The following PCDH9 variants were observed in gnomAD, a reference collection of about 807,000 sequenced individuals.
The protein encoded by PCDH9 is protocadherin-9.
A neutral mutation model predicts 70.6 loss-of-function variants in PCDH9; 24 were observed. The ratio of observed to expected loss-of-function variants is 0.34; its 90% CI spans 0.25 to 0.48. The LOEUF (loss-of-function observed/expected upper bound fraction) is 0.48, where lower values mean the gene tolerates loss of function less well. PCDH9 is among the 20% of genes least tolerant of loss of function. The pLI is 0.99. For synonymous variants in PCDH9, 562 were observed against 558.5 expected (o/e 1.01, Z -0.09); for missense variants, 1,281 against 1,503.6 (o/e 0.85, Z 2.45).
At chr13:66,812,335 T>G (rs1268768958) in intron 3 of PCDH9, among the ~76,000 whole-genome samples, 1 of 152,024 alleles carries the variant, frequency 6.6e-6, no homozygotes, top group Non-Finnish European at 1.5e-5. Context: ...ACTAGACAGC[T>G]AAGGAAAAAC....
At chr13:67,160,439 C>CAT (rs1464627360) in intron 2 of PCDH9, among the ~76,000 whole-genome samples, 1 of 151,906 alleles carries the variant, frequency 6.6e-6, no homozygotes, top group Non-Finnish European at 1.5e-5. Flanking sequence ...CCCAGCTATT[C>CAT]GGGAGACTGA....
intron 2 of PCDH9, among the ~76,000 whole-genome samples, chr13:67,140,850 T>C (rs2138356823): frequency 6.6e-6 from 1 of 152,294 alleles, no homozygotes; most frequent in Middle Eastern, 3.4e-3. Flanking sequence ...AAGTTTAAAG[T>C]CAATTATAAA....
At chr13:66,473,071 T>G (rs1037420785) in intron 4 of PCDH9, among the ~76,000 whole-genome samples, 7 of 151,990 alleles carry the variant, frequency 4.6e-5, no homozygotes, top group African/African-American at 1.7e-4. Flanking sequence ...GAATCACAAC[T>G]GACAGTTGGA....
intron 4 of PCDH9, among the ~76,000 whole-genome samples, chr13:66,455,322 G>A (rs973243095): frequency 2.0e-5 from 3 of 151,248 alleles, no homozygotes; most frequent in African/African-American, 7.3e-5. Flanking sequence ...TTGTGTTTTT[G>A]AACACATTCT....
At chr13:66,719,333 C>T (rs916775126) in intron 3 of PCDH9, among the ~76,000 whole-genome samples, 2 of 152,004 alleles carry the variant, frequency 1.3e-5, no homozygotes, top group Non-Finnish European at 2.9e-5. Context: ...AAACCTAGTG[C>T]CCATTGTGGT....
chr13:66,730,876 G>GTGTTTTTTTTTTTTTTTTTTTTTT (rs1555262846), intron 3 of PCDH9, among the ~76,000 whole-genome samples: 6 of 46,356 alleles, frequency 1.3e-4, no homozygotes, highest in African/African-American at 3.8e-4. Context: ...GTGTGTGTGT[G>GTGTTTTTTTTTTTTTTTTTTTTTT]TTTTTTTTTT....
intron 2 of PCDH9, among the ~76,000 whole-genome samples, chr13:67,031,411 T>C (rs1438489117): frequency 6.6e-6 from 1 of 151,976 alleles, no homozygotes; most frequent in Non-Finnish European, 1.5e-5. Flanking sequence ...ATGTTTATAA[T>C]ATAATTATAC....
At chr13:66,809,134 G>C (rs943552676) in intron 3 of PCDH9, among the ~76,000 whole-genome samples, 2 of 152,098 alleles carry the variant, frequency 1.3e-5, no homozygotes, top group Admixed American at 6.5e-5. Context: ...TTGTTTAGTA[G>C]AGACGGGGTT....
At chr13:67,088,992 A>G (rs1448844063) in intron 2 of PCDH9, among the ~76,000 whole-genome samples, 1 of 152,034 alleles carries the variant, frequency 6.6e-6, no homozygotes, top group Non-Finnish European at 1.5e-5. Flanking sequence ...ATAAACAAGC[A>G]TACTCTATTT....
chr13:66,946,722 C>T (rs2083093696), intron 2 of PCDH9, among the ~76,000 whole-genome samples: 1 of 151,842 alleles, frequency 6.6e-6, no homozygotes, highest in Non-Finnish European at 1.5e-5. Context: ...ATCTTTTCAC[C>T]TATTTCTGAC....
intron 3 of PCDH9, among the ~76,000 whole-genome samples, chr13:66,728,086 A>G (rs1285910085): frequency 6.6e-6 from 1 of 152,122 alleles, no homozygotes; most frequent in Admixed American, 6.5e-5. Flanking sequence ...AATAAACATA[A>G]TCTCTATTTT....
At chr13:66,841,223 C>A (rs1335845166) in intron 3 of PCDH9, among the ~76,000 whole-genome samples, 1 of 152,058 alleles carries the variant, frequency 6.6e-6, no homozygotes, top group Non-Finnish European at 1.5e-5. Context: ...TTTACAACAG[C>A]CTACAGCCAC....
intron 2 of PCDH9, among the ~76,000 whole-genome samples, chr13:67,144,334 A>G (rs1566453071): frequency 6.6e-6 from 1 of 152,172 alleles, no homozygotes; most frequent in Non-Finnish European, 1.5e-5. Flanking sequence ...ATACTCTTCC[A>G]TCTTTGCTTT....
At chr13:67,154,555 A>C in intron 2 of PCDH9, among the ~76,000 whole-genome samples, 1 of 141,534 alleles carries the variant, frequency 7.1e-6, no homozygotes, top group South Asian at 2.3e-4. Context: ...CAGACAGGGA[A>C]ACAGACGGAG....
At chr13:66,482,442 C>T (rs1958858927) in intron 4 of PCDH9, among the ~76,000 whole-genome samples, 1 of 152,156 alleles carries the variant, frequency 6.6e-6, no homozygotes, top group South Asian at 2.1e-4. Context: ...TCTCATGTTG[C>T]TCTAATCTGA....
chr13:66,754,359 C>A (rs2079508245), intron 3 of PCDH9, among the ~76,000 whole-genome samples: 1 of 151,252 alleles, frequency 6.6e-6, no homozygotes, highest in Admixed American at 6.6e-5. Context: ...ACATGTATCC[C>A]AGAATTTAAA....
chr13:66,735,333 T>A (rs931664861), intron 3 of PCDH9, among the ~76,000 whole-genome samples: 3 of 152,126 alleles, frequency 2.0e-5, no homozygotes, highest in Admixed American at 2.0e-4. Context: ...AGGTTTCAAA[T>A]TAATGAAATA....
chr13:66,880,184 A>T (rs1320779485), intron 3 of PCDH9: 1 of 152,210 alleles, frequency 6.6e-6, no homozygotes, highest in African/African-American at 2.4e-5. Flanking sequence ...AAGTGGAATA[A>T]TGATAAAACA....
chr13:66,621,980 T>TG (rs1413992080), intron 4 of PCDH9, among the ~76,000 whole-genome samples: 1 of 152,160 alleles, frequency 6.6e-6, no homozygotes, highest in African/African-American at 2.4e-5. Flanking sequence ...GGGCTGCGCG[T>TG]GGGGCTTGCG....
Sources: gnomAD v4.1 joint callset for allele counts (sites outside exome capture counted in the v4.1 genomes callset) on GRCh38, gnomAD v4.1.1 for gene constraint, MANE v1.5 for transcripts, NCBI Gene and HGNC (gene_info 2026-07-23, HGNC 2026-07-21) for gene names.